VPS41: variants seen among roughly 807,000 people sequenced by gnomAD.
VPS41 encodes the protein vacuolar protein sorting-associated protein 41 homolog.
A neutral mutation model predicts 130.9 loss-of-function variants in VPS41; 85 were observed. The observed-to-expected ratio is 0.65, with a 90% CI of 0.55 to 0.78. The LOEUF is 0.78. Ranked by LOEUF, VPS41 falls within the 30% of genes least tolerant of loss-of-function variation. The pLI is 0.00. For synonymous variants in VPS41, 335 were observed against 332.9 expected (o/e 1.01, Z -0.07); for missense variants, 874 against 1,018.7 (o/e 0.86, Z 1.93).
intron 3 of VPS41, among the ~76,000 whole-genome samples, chr7:38,867,947 T>G (rs542049091): frequency 6.6e-6 from 1 of 151,736 alleles, no homozygotes; most frequent in South Asian, 2.1e-4. Flanking sequence ...CACAGAAAAA[T>G]AAAAGAAAAA....
At chr7:38,882,249 TGATG>T (rs1485612089) in intron 2 of VPS41, among the ~76,000 whole-genome samples, 2 of 152,194 alleles carry the variant, frequency 1.3e-5, no homozygotes, top group Non-Finnish European at 2.9e-5. Context: ...TTTGACACAA[TGATG>T]GTGTCCTTCA....
At chr7:38,787,134 T>C (rs919600439) in intron 10 of VPS41, among the ~76,000 whole-genome samples, 3 of 152,248 alleles carry the variant, frequency 2.0e-5, no homozygotes, top group Non-Finnish European at 4.4e-5. Context: ...GATTCTCATA[T>C]AGTTGTTTAA....
chr7:38,869,435 T>C (rs1446158990), intron 2 of VPS41, among the ~76,000 whole-genome samples, 182 bp from the exon 3 acceptor site: 2 of 152,220 alleles, frequency 1.3e-5, no homozygotes, highest in Non-Finnish European at 2.9e-5. Context: ...TGCTGTAACT[T>C]CACTGGTAAA....
At chr7:38,772,118 A>G (rs1196708970) in intron 13 of VPS41, among the ~76,000 whole-genome samples, 1 of 152,180 alleles carries the variant, frequency 6.6e-6, no homozygotes, top group African/African-American at 2.4e-5. Flanking sequence ...AGTGGACAAC[A>G]TCATTCTATC....
chr7:38,846,190 C>A (rs934152116), intron 4 of VPS41, among the ~76,000 whole-genome samples: 4 of 152,106 alleles, frequency 2.6e-5, no homozygotes, highest in African/African-American at 9.7e-5. Flanking sequence ...GAGTCTGTGA[C>A]CCCAGTACTT....
At chr7:38,768,620 C>T (rs117444477) in intron 14 of VPS41, among the ~76,000 whole-genome samples, 3 of 152,250 alleles carry the variant, frequency 2.0e-5, no homozygotes, top group Non-Finnish European at 4.4e-5. Flanking sequence ...TCTATAGGAA[C>T]AGAAGTGAAG....
intron 1 of VPS41, among the ~76,000 whole-genome samples, chr7:38,905,424 T>C (rs1416021464): frequency 2.0e-5 from 3 of 152,228 alleles, no homozygotes; most frequent in African/African-American, 7.2e-5. Flanking sequence ...CTATAAAATA[T>C]ATATGTAGTT....
In VPS41 at chr7:38,776,746, C is replaced by G; in HGVS notation, c.815G>C (p.Ser272Thr). ...VSQFETEFYI[S>T]GLAPLCDQLV... is the part of the protein sequence containing the mutation. ...CTGATCACAGAGAGGTGCAAGTCCA[C>G]TGATGTAGAATTCAGTTTCAAACTG... The change falls in exon 11 of 29, where the codon AGT (serine) becomes ACT (threonine). Residue 272 changes from serine (S) to threonine (T), a missense_variant. Ser to Thr is a moderately conservative substitution (Grantham distance 58). Coordinates refer to ENST00000310301, the MANE Select transcript of VPS41 (RefSeq NM_014396.4). 1 of 1,611,610 alleles carries G rather than the reference C, an allele frequency of 6.2e-7. No homozygotes were observed. Among genetic ancestry groups the G allele is most frequent in the Non-Finnish European group, 8.5e-7 (1 of 1,178,050 alleles).
chr7:38,824,117 T>C (rs924725776), intron 5 of VPS41, among the ~76,000 whole-genome samples: 4 of 152,190 alleles, frequency 2.6e-5, no homozygotes, highest in African/African-American at 9.7e-5. Context: ...TCAGTATGAA[T>C]ACCTGCTCAA....
intron 3 of VPS41, among the ~76,000 whole-genome samples, chr7:38,863,927 T>C (rs1786173691): frequency 6.6e-6 from 1 of 152,210 alleles, no homozygotes; most frequent in Non-Finnish European, 1.5e-5. Context: ...CAAACAGGAA[T>C]GTTTCCTCCA....
chr7:38,739,293 A>G (rs528352425), intron 25 of VPS41, among the ~76,000 whole-genome samples: 144 of 152,358 alleles, frequency 9.5e-4, no homozygotes, highest in Non-Finnish European at 1.6e-3. Context: ...ATTGATGAAC[A>G]TGCAAAATTT....
At chr7:38,876,686 A>G (rs1344693747) in intron 2 of VPS41, among the ~76,000 whole-genome samples, 1 of 86,790 alleles carries the variant, frequency 1.2e-5, no homozygotes, top group African/African-American at 2.8e-5. Context: ...TTACCGTAAC[A>G]CACTAACCAG....
chr7:38,885,275 G>A (rs530899630), intron 2 of VPS41, among the ~76,000 whole-genome samples: 14 of 152,054 alleles, frequency 9.2e-5, no homozygotes, highest in Admixed American at 2.0e-4. Flanking sequence ...GGGTTTCACC[G>A]TATTAGCCAG....
At chr7:38,779,067 T>C (rs1437628949) in intron 10 of VPS41, among the ~76,000 whole-genome samples, 2 of 152,246 alleles carry the variant, frequency 1.3e-5, no homozygotes, top group African/African-American at 2.4e-5. Flanking sequence ...CAAAGAAAAA[T>C]TGCAGGTGCA....
intron 15 of VPS41, 87 bp from the exon 16 acceptor site, chr7:38,765,748 CCA>C (rs1389270478): frequency 4.8e-6 from 4 of 832,620 alleles, no homozygotes; most frequent in African/African-American, 3.5e-5. Flanking sequence ...GACATTTTCC[CCA>C]GAGGTTTAGA....
chr7:38,863,869 A>G lies in VPS41; in HGVS notation c.169-1247T>C, dbSNP rs538991932. On this transcript the variant is annotated intron_variant, in intron 3 of 28. Coordinates refer to ENST00000310301, the MANE Select transcript of VPS41 (RefSeq NM_014396.4). The stretch of plus-strand genomic sequence containing the variant: ...CACAATGCTTGGGCGCTGGAAGGGA[A>G]AGGGGAAACAGGTAATTCTGGGGGG... Among the ~76,000 whole-genome samples, 10 of 152,348 alleles carry G rather than the reference A, an allele frequency of 6.6e-5. No homozygotes were observed. In the South Asian group the frequency reaches 1.4e-3, roughly 22 times the overall value.
intron 2 of VPS41, among the ~76,000 whole-genome samples, chr7:38,887,811 T>C (rs1379709152): frequency 6.6e-6 from 1 of 152,190 alleles, no homozygotes; most frequent in Non-Finnish European, 1.5e-5. Flanking sequence ...GGGAGGCCTA[T>C]CAGACTGACA....
Position 38,776,660 on chromosome 7 carries a change from C to T in VPS41, c.882+19G>A, listed in dbSNP as rs758202182. 24 of 1,448,696 alleles carry T rather than the reference C, an allele frequency of 1.7e-5. No homozygotes were observed. The highest frequency in any genetic ancestry group is 9.2e-5 in the South Asian group (8 of 87,234). The allele number at this position is 1,448,696 out of a possible 1,614,324, so 89.7% of individuals were successfully genotyped here. On this transcript the variant is annotated intron_variant, in intron 11 of 28. Coordinates refer to ENST00000310301, the MANE Select transcript of VPS41 (RefSeq NM_014396.4). ...AGTGAACCCCCACATGCCTTTGTAT[C>T]TGGGGAGAAAATAATTACCGTTTTT...
At chr7:38,798,671 G>A (rs966760613) in intron 7 of VPS41, among the ~76,000 whole-genome samples, 10 of 152,072 alleles carry the variant, frequency 6.6e-5, no homozygotes, top group Admixed American at 2.0e-4. Flanking sequence ...GGAGGTGATC[G>A]TCCGAAATGG....
Sources: gnomAD v4.1 joint callset for allele counts (sites outside exome capture counted in the v4.1 genomes callset) on GRCh38, gnomAD v4.1.1 for gene constraint, MANE v1.5 for transcripts, NCBI Gene and HGNC (gene_info 2026-07-23, HGNC 2026-07-21) for gene names.